The following MACF1 variants were observed in gnomAD, a reference collection of about 807,000 sequenced individuals.
The protein encoded by MACF1 is microtubule actin crosslinking factor 1.
In MACF1, 193 loss-of-function variants were observed where a neutral mutation model predicts 854.8. The ratio of observed to expected loss-of-function variants is 0.23; its 90% CI spans 0.20 to 0.25. The LOEUF is 0.25. MACF1 is among the 10% of genes least tolerant of loss of function. MACF1 has a pLI of 1.00. For missense variants in MACF1, 7,722 were observed against 8,929.1 expected (o/e 0.86, Z 5.45); for synonymous variants, 3,185 against 3,226.7 (o/e 0.99, Z 0.44).
intron 45 of MACF1, 56 bp from the exon 46 acceptor site, chr1:39,358,641 T>G: frequency 6.4e-7 from 1 of 1,555,802 alleles, no homozygotes; most frequent in Non-Finnish European, 8.8e-7. Context: ...TTTGGGCAGC[T>G]GCTGCCTTTG....
intron 30 of MACF1, among the ~76,000 whole-genome samples, 188 bp from the exon 31 acceptor site, chr1:39,319,475 AT>A (rs1385657164): frequency 5.3e-5 from 8 of 152,152 alleles, no homozygotes; most frequent in African/African-American, 1.9e-4. Context: ...AAAAGTGCAA[AT>A]TTGTGAACCC....
intron 5 of MACF1, among the ~76,000 whole-genome samples, chr1:39,257,344 C>A (rs1451029335): frequency 6.6e-6 from 1 of 152,104 alleles, no homozygotes; most frequent in East Asian, 1.9e-4. Flanking sequence ...ACTCTGTCGC[C>A]CAGGCTGGAG....
intron 2 of MACF1, among the ~76,000 whole-genome samples, chr1:39,161,340 G>A (rs1643794654): frequency 6.6e-6 from 1 of 152,070 alleles, no homozygotes; most frequent in Non-Finnish European, 1.5e-5. Context: ...GTAGAGTGGT[G>A]AGAAAGTGGT....
Position 39,282,022 on chromosome 1 carries a change from AC to A in MACF1, c.529-184del, listed in dbSNP as rs556175391. 1.1e-4 allele frequency among the ~76,000 whole-genome samples: 16 copies of A among 152,218 alleles called. No homozygotes were observed. The South Asian group carries it at 3.1e-3, about 30-fold the overall frequency. On this transcript the variant is annotated intron_variant, in intron 6 of 100. Coordinates refer to ENST00000564288, the MANE Select transcript of MACF1 (RefSeq NM_001394062.1). The stretch of plus-strand genomic sequence containing the variant: ...TTCCTAGTTTGATAGGTGAAAAATT[AC>A]CTCTCATGGTTTTAATTTGCATTTA...
intron 2 of MACF1, among the ~76,000 whole-genome samples, chr1:39,179,388 T>C (rs771473991): frequency 3.9e-5 from 6 of 152,174 alleles, no homozygotes; most frequent in Non-Finnish European, 7.3e-5. Flanking sequence ...GCCATTGAAC[T>C]AGTGGAAAAA....
intron 34 of MACF1, 70 bp from the exon 35 acceptor site, chr1:39,324,575 AT>A: frequency 2.3e-6 from 3 of 1,320,464 alleles, no homozygotes; most frequent in East Asian, 2.4e-5. Flanking sequence ...ATTTAAAAAA[AT>A]AATTTTAAAT....
At position 39,438,004 on chromosome 1, in the gene MACF1, AAAAGGTG is replaced by A; in HGVS notation, c.18217_18220+3del. Reference sequence around the variant, plus strand: ...AGGGAGCAGACAAGGATCTGGCTGCAAAAGGTGCTTGATGATTGTCATTATTTTTAAA... The same window carrying A: ...AGGGAGCAGACAAGGATCTGGCTGCACTTGATGATTGTCATTATTTTTAAA... On this transcript the variant is annotated splice_donor_variant and splice_donor_region_variant and coding_sequence_variant and intron_variant, in exon 71 of 101. Coordinates refer to ENST00000564288, the MANE Select transcript of MACF1 (RefSeq NM_001394062.1). LOFTEE classifies it high-confidence loss of function. 1 of 1,613,560 alleles carries A rather than the reference AAAAGGTG, an allele frequency of 6.2e-7. No individual in the cohort carries two copies. The highest frequency in any genetic ancestry group is 8.5e-7 in the Non-Finnish European group (1 of 1,179,696).
chr1:39,151,063 A>G (rs1249082147), intron 2 of MACF1, among the ~76,000 whole-genome samples: 2 of 152,286 alleles, frequency 1.3e-5, no homozygotes, highest in Middle Eastern at 3.4e-3. Flanking sequence ...TTGACTCAAC[A>G]TGTTCCAGAT....
At chr1:39,428,475 T>C (rs898357898) in intron 63 of MACF1, among the ~76,000 whole-genome samples, 188 bp downstream of exon 63, 10 of 152,218 alleles carry the variant, frequency 6.6e-5, no homozygotes, top group African/African-American at 1.4e-4. Flanking sequence ...GAAATACTTA[T>C]ATTTAACAAG....
intron 2 of MACF1, among the ~76,000 whole-genome samples, chr1:39,150,577 CA>C (rs1162486387): frequency 6.6e-6 from 1 of 152,168 alleles, no homozygotes; most frequent in East Asian, 1.9e-4. Flanking sequence ...TCCCCTTTCA[CA>C]GCCGTGTTCT....
chr1:39,320,191 C>A (rs926455654), intron 31 of MACF1, among the ~76,000 whole-genome samples: 2 of 152,146 alleles, frequency 1.3e-5, no homozygotes, highest in African/African-American at 4.8e-5. Context: ...CATCTGACTG[C>A]CTGCCGTTAT....
chr1:39,414,142 C>T (rs1327976760), intron 58 of MACF1: 2 of 1,609,102 alleles, frequency 1.2e-6, no homozygotes, highest in Non-Finnish European at 1.7e-6. Context: ...CCTAGAGGAG[C>T]CCGCCTCCCC....
chr1:39,207,067 T>C (rs1302559352), intron 1 of MACF1: 1 of 151,814 alleles, frequency 6.6e-6, no homozygotes, highest in Admixed American at 6.6e-5. Flanking sequence ...GTAATAATAA[T>C]GATTCAGGCA....
At chr1:39,296,788 GA>G (rs1557571369) in intron 20 of MACF1, among the ~76,000 whole-genome samples, 1,953 of 77,574 alleles carry the variant, frequency 0.025, 104 homozygotes, top group Non-Finnish European at 0.032. Flanking sequence ...AAGAAAGAAA[GA>G]AAGGAAGGAA....
At chr1:39,454,377 A>G (rs148679129) in intron 88 of MACF1, among the ~76,000 whole-genome samples, 43 of 152,308 alleles carry the variant, frequency 2.8e-4, no homozygotes, top group South Asian at 2.1e-4. Context: ...CCAGTCCCCC[A>G]TGGATACCAA....
At position 39,448,141 on chromosome 1, in the gene MACF1, T is replaced by C. The variant is rs1195908786; in HGVS notation, c.20077T>C (p.Ser6693Pro). The C allele has an allele frequency of 6.2e-7, 1 of 1,614,022 alleles. No individual in the cohort carries two copies. Among genetic ancestry groups the C allele is most frequent in the East Asian group, 2.2e-5 (1 of 44,874 alleles). Residue 6693 changes from serine (S) to proline (P), a missense_variant, in exon 83 of 101, where the codon TCT becomes CCT. Around this residue, in one of 15 missense-constraint regions of MACF1, gnomAD observed 729 missense variants for 900.5 expected, o/e 0.81. Transcript: ENST00000564288. ...CCCAGACAAAATTAAACTTCAGCTT[T>C]CTAAGCATAAGGTAAAGCAGTTAAT... ...NDPDKIKLQL[S>P]KHKEFQKTLG...
chr1:39,105,068 G>T lies in MACF1; in HGVS notation c.220+20630G>T, dbSNP rs538332504. Among the ~76,000 whole-genome samples, 128 of 152,288 alleles carry T rather than the reference G, an allele frequency of 8.4e-4. No homozygotes were observed. Among genetic ancestry groups the T allele is most frequent in the African/African-American group, 2.8e-3 (118 of 41,576 alleles). On this transcript the variant is annotated intron_variant, in intron 2 of 93. Transcript: ENST00000361689. The surrounding 1 kb of genome is among the most constrained non-coding windows in gnomAD (Gnocchi z 5.9). ...TGGAGCCGGCCCGGGTCTCCCTGCC[G>T]TTCGGCCGGCCCAGCCTTTCATCCT... is the stretch of plus-strand genomic sequence containing the variant.
At chr1:39,410,780 G>C in intron 58 of MACF1, 1 of 1,614,016 alleles carries the variant, frequency 6.2e-7, no homozygotes, top group Non-Finnish European at 8.5e-7. Flanking sequence ...AAGGAGTCCA[G>C]TTCTGCATTA....
intron 2 of MACF1, among the ~76,000 whole-genome samples, chr1:39,169,606 A>G (rs1203234700): frequency 7.0e-6 from 1 of 143,650 alleles, no homozygotes; most frequent in African/African-American, 2.5e-5. Flanking sequence ...CCCTGTCTCA[A>G]AAAAAAAAAA....
Sources: allele counts gnomAD v4.1 joint callset (sites outside exome capture counted in the v4.1 genomes callset), GRCh38; gene constraint gnomAD v4.1.1; regional missense constraint gnomAD v4.1.1; non-coding constraint Gnocchi (gnomAD v3.1); transcripts MANE v1.5; gene names NCBI Gene and HGNC (gene_info 2026-07-23, HGNC 2026-07-21).